The following SCGB2A1 variants were observed in gnomAD, a reference collection of about 807,000 sequenced individuals.
SCGB2A1 encodes mammaglobin-B.
A neutral mutation model predicts 9.2 loss-of-function variants in SCGB2A1; 6 were observed. The observed-to-expected ratio is 0.66, with a 90% CI of 0.36 to 1.29. SCGB2A1 has a LOEUF of 1.29. Among genes scored for constraint, SCGB2A1 ranks in the 50% most tolerant of loss-of-function variants. The probability of loss-of-function intolerance (pLI) is 0.03; values close to 1 mark genes in which losing one functional copy is unlikely to be tolerated. For missense variants in SCGB2A1, 138 were observed against 116.9 expected (o/e 1.18, Z -0.83); for synonymous variants, 37 against 41.0 (o/e 0.90, Z 0.37).
Position 62,210,574 on chromosome 11 carries a change from A to G in SCGB2A1, c.217A>G (p.Thr73Ala). The change falls in exon 2 of 3, where the codon ACT (threonine) becomes GCT (alanine). Residue 73 changes from threonine to alanine, a missense_variant. Coordinates refer to ENST00000244930, the MANE Select transcript of SCGB2A1 (RefSeq NM_002407.3). ...GTGTTTCCTCAACCAGTCACATAGA[A>G]CTCTGAAAAACTTTGGACTGATGAT... ...KQCFLNQSHR[T>A]LKNFGLMMHT... 6.4e-7 allele frequency: 1 copy of G among 1,555,072 alleles called. No homozygotes were observed. The highest frequency in any genetic ancestry group is 8.6e-7 in the Non-Finnish European group (1 of 1,160,686).
intron 2 of SCGB2A1, among the ~76,000 whole-genome samples, chr11:62,211,052 T>G (rs1944827041): frequency 6.6e-6 from 1 of 151,180 alleles, no homozygotes; most frequent in Non-Finnish European, 1.5e-5. Context: ...ACCTCCCGAG[T>G]AGTTGGGATT....
In SCGB2A1 at chr11:62,212,925, C is replaced by T. The variant is rs991019613; in HGVS notation, c.244-801C>T. On this transcript the variant is annotated intron_variant, in intron 2 of 2. Transcript: ENST00000244930. ...ATATATATACATATATATACACACA[C>T]ACATATATACACACATATGTACACA... Among the ~76,000 whole-genome samples the T allele has an allele frequency of 2.5e-3, 363 of 144,594 alleles. 3 individuals carry two copies. Among genetic ancestry groups the T allele is most frequent in the Non-Finnish European group, 4.7e-3 (302 of 64,920 alleles). 94.9% of individuals were successfully genotyped at this position (144,594 alleles called of 152,430 possible).
At chr11:62,209,474 C>T (rs1944810143) in intron 1 of SCGB2A1, among the ~76,000 whole-genome samples, 1 of 152,154 alleles carries the variant, frequency 6.6e-6, no homozygotes, top group African/African-American at 2.4e-5. Context: ...AAGGTAGGTG[C>T]AGATGTGTAG....
At chr11:62,208,885 C>T in intron 1 of SCGB2A1, 99 bp downstream of exon 1, 1 of 1,271,856 alleles carries the variant, frequency 7.9e-7, no homozygotes, top group South Asian at 1.2e-5. Context: ...CAGACGAGCC[C>T]CAGTGTGAAG....
At position 62,213,736 on chromosome 11, in the gene SCGB2A1, ACG is replaced by A. The variant is rs761061939; in HGVS notation, c.255_256del (p.Tyr85Ter). On this transcript the variant is annotated stop_gained and frameshift_variant, in exon 3 of 3. Coordinates refer to ENST00000244930, the MANE Select transcript of SCGB2A1 (RefSeq NM_002407.3). LOFTEE classifies it high-confidence loss of function. Reference sequence around the variant, plus strand: ...GCTTTTGTTTTCCAGCATACAGTGTACGACAGCATTTGGTGTAATATGAAGAG... The same window carrying A: ...GCTTTTGTTTTCCAGCATACAGTGTAACAGCATTTGGTGTAATATGAAGAG... The A allele has an allele frequency of 8.1e-6, 13 of 1,613,808 alleles. No individual in the cohort carries two copies. In the African/African-American group the frequency reaches 1.6e-4, roughly 20 times the overall value.
At chr11:62,208,866 T>C (rs1376561007) in intron 1 of SCGB2A1, 80 bp downstream of exon 1, 15 of 1,417,706 alleles carry the variant, frequency 1.1e-5, no homozygotes, top group Non-Finnish European at 1.5e-5. Flanking sequence ...CAACCTCTAA[T>C]CCCCAGCACA....
intron 2 of SCGB2A1, among the ~76,000 whole-genome samples, chr11:62,211,186 A>G (rs1944828485): frequency 6.6e-6 from 1 of 152,020 alleles, no homozygotes; most frequent in South Asian, 2.1e-4. Flanking sequence ...GGCCTCCCAG[A>G]GTTCTGAGAT....
chr11:62,211,936 T>C (rs971256140), intron 2 of SCGB2A1, among the ~76,000 whole-genome samples: 14 of 152,160 alleles, frequency 9.2e-5, no homozygotes, highest in Non-Finnish European at 2.1e-4. Context: ...TTTTCGTTTT[T>C]TTCGAGATGG....
rs1331414722 is a variant in SCGB2A1 at position 62,213,892 on chromosome 11, T to C, written c.*122T>C. 2.8e-6 allele frequency: 2 copies of C among 705,548 alleles called. No individual in the cohort carries two copies. The highest frequency in any genetic ancestry group is 3.6e-5 in the African/African-American group (2 of 55,170). The allele number at this position is 705,548 out of a possible 1,614,324, so 43.7% of individuals were successfully genotyped here. On this transcript the variant is annotated 3_prime_UTR_variant, in exon 3 of 3. Coordinates refer to ENST00000244930, the MANE Select transcript of SCGB2A1 (RefSeq NM_002407.3). ...TATGTGGAAACTGCTAGACAACTGTTGAAACCTCAAATTCATTTCCATTTC... is the reference window on the plus strand; with the variant it reads ...TATGTGGAAACTGCTAGACAACTGTCGAAACCTCAAATTCATTTCCATTTC...
intron 1 of SCGB2A1, 22 bp from the exon 2 acceptor site, chr11:62,210,391 T>C (rs368287102): frequency 1.8e-6 from 1 of 550,636 alleles, no homozygotes; most frequent in Non-Finnish European, 2.2e-6. Context: ...TGTGTCTTTT[T>C]TTTTTTTTTT....
In SCGB2A1 at chr11:62,208,704, A is replaced by G. The variant is rs765364766; in HGVS notation, c.-28A>G. On this transcript the variant is annotated 5_prime_UTR_variant, in exon 1 of 3. Coordinates refer to ENST00000244930, the MANE Select transcript of SCGB2A1 (RefSeq NM_002407.3). The stretch of plus-strand genomic sequence containing the variant: ...ACTTCCTTGATCCCTGCCACGCACG[A>G]CTGAACACAGACAGCAGCCGCCTCG... 1 of 1,613,128 alleles carries G rather than the reference A, an allele frequency of 6.2e-7. No homozygotes were observed. The highest frequency in any genetic ancestry group is 1.1e-5 in the South Asian group (1 of 91,056).
At chr11:62,213,002 A>ACATATATATG (rs1554985841) in intron 2 of SCGB2A1, among the ~76,000 whole-genome samples, 12 of 81,458 alleles carry the variant, frequency 1.5e-4, no homozygotes, top group African/African-American at 5.0e-4. Context: ...GCATATATGT[A>ACATATATATG]CACATATATG....
chr11:62,210,902 C>A (rs537758141), intron 2 of SCGB2A1, among the ~76,000 whole-genome samples: 1 of 150,120 alleles, frequency 6.7e-6, no homozygotes, highest in Non-Finnish European at 1.5e-5. Context: ...CACACACAGA[C>A]ACACGGGGAC....
rs373739678 is a variant in SCGB2A1, at chr11:62,213,784, G to A, written c.*14G>A. On this transcript the variant is annotated 3_prime_UTR_variant, in exon 3 of 3. Transcript: ENST00000244930. ...AAGAGTAATTAACTTTACCCAAGGC[G>A]TTTGGCTCAGAGGGCTACAGACTAT... is the stretch of plus-strand genomic sequence containing the variant. 8.7e-6 allele frequency: 14 copies of A among 1,612,456 alleles called. No individual in the cohort carries two copies. Among genetic ancestry groups the A allele is most frequent in the South Asian group, 3.3e-5 (3 of 90,952 alleles).
chr11:62,209,635 A>ATGTGTGTGTGTGTGTGTGTG (rs60357410), intron 1 of SCGB2A1, among the ~76,000 whole-genome samples: 7 of 142,202 alleles, frequency 4.9e-5, no homozygotes, highest in East Asian at 2.3e-4. Context: ...TTTCACATTC[A>ATGTGTGTGTGTGTGTGTGTG]TGTGTGTGTG....
At chr11:62,210,981 G>T (rs1360700978) in intron 2 of SCGB2A1, among the ~76,000 whole-genome samples, 2 of 149,746 alleles carry the variant, frequency 1.3e-5, no homozygotes, top group Admixed American at 6.6e-5. Context: ...GGAGTGTAGT[G>T]GCGTGAATCT....
chr11:62,212,992 G>GTGCA (rs1554985836), intron 2 of SCGB2A1, among the ~76,000 whole-genome samples: 22 of 112,100 alleles, frequency 2.0e-4, no homozygotes, highest in South Asian at 7.0e-4. Flanking sequence ...ACATATACAT[G>GTGCA]CATATATGTA....
At position 62,213,788 on chromosome 11, in the gene SCGB2A1, G is replaced by A. The variant is rs1944858223; in HGVS notation, c.*18G>A. 6.2e-7 allele frequency: 1 copy of A among 1,609,904 alleles called. No individual in the cohort carries two copies. ...GTAATTAACTTTACCCAAGGCGTTTGGCTCAGAGGGCTACAGACTATGGCC... is the reference window on the plus strand; with the variant it reads ...GTAATTAACTTTACCCAAGGCGTTTAGCTCAGAGGGCTACAGACTATGGCC... On this transcript the variant is annotated 3_prime_UTR_variant, in exon 3 of 3. Coordinates refer to ENST00000244930, the MANE Select transcript of SCGB2A1 (RefSeq NM_002407.3).
rs1944821837 is a variant in SCGB2A1 at position 62,210,568 on chromosome 11, CAT to C, written c.213_214del (p.His71GlnfsTer20). On this transcript the variant is annotated frameshift_variant, in exon 2 of 3. Coordinates refer to ENST00000244930, the MANE Select transcript of SCGB2A1 (RefSeq NM_002407.3). LOFTEE classifies it low-confidence loss of function (END_TRUNC). ...CAAGCAGTGTTTCCTCAACCAGTCACATAGAACTCTGAAAAACTTTGGACTGA... is the reference window on the plus strand; with the variant it reads ...CAAGCAGTGTTTCCTCAACCAGTCACAGAACTCTGAAAAACTTTGGACTGA... ...KFKQCFLNQS[H>X]RTLKNFGLMM... is the part of the protein sequence containing the mutation. 6.4e-7 allele frequency: 1 copy of C among 1,561,854 alleles called. No individual in the cohort carries two copies. The highest frequency in any genetic ancestry group is 1.3e-5 in the South Asian group (1 of 77,852).
Sources: gnomAD v4.1 joint callset for allele counts (sites outside exome capture counted in the v4.1 genomes callset) on GRCh38, gnomAD v4.1.1 for gene constraint, MANE v1.5 for transcripts, NCBI Gene and HGNC (gene_info 2026-07-23, HGNC 2026-07-21) for gene names.